The following RFC2 variants were observed in gnomAD, a reference collection of about 807,000 sequenced individuals.
RFC2 encodes A1 40 kDa subunit.
In RFC2, 34 loss-of-function variants were observed where a neutral mutation model predicts 44.8. That is an observed-to-expected ratio of 0.76 (90% CI 0.58 to 1.01). RFC2 has a LOEUF of 1.01. RFC2 is among the 50% of genes least tolerant of loss of function. The probability of loss-of-function intolerance (pLI) is 0.00; values close to 1 mark genes in which losing one functional copy is unlikely to be tolerated. For synonymous variants in RFC2, 177 were observed against 168.9 expected (o/e 1.05, Z -0.37); for missense variants, 400 against 453.6 (o/e 0.88, Z 1.07).
At chr7:74,237,553 TG>T (rs1358240748) in intron 8 of RFC2, 111 bp from the exon 9 acceptor site, 3 of 551,270 alleles carry the variant, frequency 5.4e-6, no homozygotes, top group South Asian at 3.9e-5. Flanking sequence ...CTCAACCTGT[TG>T]TTTTCATCAA....
intron 10 of RFC2, among the ~76,000 whole-genome samples, chr7:74,233,593 T>TA (rs1563984226): frequency 1.3e-5 from 2 of 148,614 alleles, no homozygotes; most frequent in Non-Finnish European, 3.0e-5. Context: ...TTGTTGTTAT[T>TA]GGTTTTTTTT....
In RFC2 at chr7:74,235,126, TC is replaced by T. The variant is rs1338821206; in HGVS notation, c.954+405del. ...ATCTTGGCTCACTGCAACCTCCACC[TC>T]CCAGGTTCAAGCGATCCTCCTCCCT... On this transcript the variant is annotated intron_variant, in intron 10 of 10. Coordinates refer to ENST00000055077, the MANE Select transcript of RFC2 (RefSeq NM_181471.3). Among the ~76,000 whole-genome samples, 31 of 151,894 alleles carry T rather than the reference TC, an allele frequency of 2.0e-4. 1 individual carries two copies.
At chr7:74,234,106 G>A (rs1356197632) in intron 10 of RFC2, among the ~76,000 whole-genome samples, 4 of 152,148 alleles carry the variant, frequency 2.6e-5, no homozygotes, top group African/African-American at 9.7e-5. Flanking sequence ...GCACAGGATG[G>A]ATTACTTCTC....
rs1379369189 is a variant in RFC2 at position 74,231,841 on chromosome 7, A to C, written c.*265T>G. 1.1e-5 allele frequency: 3 copies of C among 274,928 alleles called. No homozygotes were observed. The highest frequency in any genetic ancestry group is 2.2e-5 in the African/African-American group (1 of 45,230). 17.0% of individuals were successfully genotyped at this position (274,928 alleles called of 1,614,324 possible). ...ATTACAGGTGCCCGCCACCACACCC[A>C]GCTAATTTTTATATTTTTAGTAAAG... On this transcript the variant is annotated 3_prime_UTR_variant, in exon 11 of 11. Coordinates refer to ENST00000055077, the MANE Select transcript of RFC2 (RefSeq NM_181471.3).
In RFC2 at chr7:74,231,721, CCAGGCTGGAGTGCAA is replaced by C. The variant is rs1408561649; in HGVS notation, c.*370_*384del. ...TTTCCCCAGATGGAGACTCTGTCGC[CCAGGCTGGAGTGCAA>C]TGGTGTGATCTTGGCTCACTGCAAC... On this transcript the variant is annotated 3_prime_UTR_variant, in exon 11 of 11. Transcript: ENST00000055077. 1 of 156,548 alleles carries C rather than the reference CCAGGCTGGAGTGCAA, an allele frequency of 6.4e-6. No individual in the cohort carries two copies. The highest frequency in any genetic ancestry group is 1.4e-5 in the Non-Finnish European group (1 of 70,914). 9.7% of individuals were successfully genotyped at this position (156,548 alleles called of 1,614,324 possible).
chr7:74,238,350 C>T lies in RFC2; in HGVS notation c.759+573G>A, dbSNP rs1010489387. On this transcript the variant is annotated intron_variant, in intron 8 of 10. Transcript: ENST00000055077. This position sits in a 1 kb window ranked among gnomAD's most constrained non-coding sequence, Gnocchi z 4.0. ...ATTTAGACGCGGAGTTATCAGGATG[C>T]GGAAGCAGTTTTCAAAAGAATTCCC... Among the ~76,000 whole-genome samples the T allele has an allele frequency of 1.3e-5, 2 of 152,090 alleles. No individual in the cohort carries two copies. The highest frequency in any genetic ancestry group is 4.8e-5 in the African/African-American group (2 of 41,418).
At chr7:74,235,439 C>G (rs1232313755) in intron 10 of RFC2, 93 bp downstream of exon 10, 7 of 840,250 alleles carry the variant, frequency 8.3e-6, no homozygotes, top group Non-Finnish European at 1.5e-5. Context: ...ACCTCGGCCT[C>G]CCAAAGTGCT....
chr7:74,246,610 G>T, intron 5 of RFC2, 52 bp downstream of exon 5: 1 of 1,267,362 alleles, frequency 7.9e-7, no homozygotes, highest in South Asian at 1.3e-5. Context: ...GAATAAAACC[G>T]AAAAAGAGAT....
At position 74,254,300 on chromosome 7, in the gene RFC2, G is replaced by T. The variant is rs782707479; in HGVS notation, c.84C>A (p.Pro28=). Reference sequence around the variant, plus strand: ...GCAGTTCGTAGTGGCCGGCGCTGCCGGGGGCCTTGCTGAAGGCAGGGGCAG... The same window carrying T: ...GCAGTTCGTAGTGGCCGGCGCTGCCTGGGGCCTTGCTGAAGGCAGGGGCAG... ...SDPAPAFSKA[P]GSAGHYELPW... Residue 28 remains proline (P), a synonymous_variant, in exon 1 of 11, where the codon CCC becomes CCA. Coordinates refer to ENST00000055077, the MANE Select transcript of RFC2 (RefSeq NM_181471.3). 6.2e-7 allele frequency: 1 copy of T among 1,611,878 alleles called. No individual in the cohort carries two copies. Among genetic ancestry groups the T allele is most frequent in the South Asian group, 1.1e-5 (1 of 91,008 alleles).
In RFC2 at chr7:74,232,021, A is replaced by G; in HGVS notation, c.*85T>C. 1 of 812,316 alleles carries G rather than the reference A, an allele frequency of 1.2e-6. No homozygotes were observed. The highest frequency in any genetic ancestry group is 2.4e-5 in the East Asian group (1 of 40,872). The allele number at this position is 812,316 out of a possible 1,614,324, so 50.3% of individuals were successfully genotyped here. ...AGGACAGTCATGTTGGCTCCAGCCTAAGGCGGCATTTTCCCCCATCAGAAA... is the reference window on the plus strand; with the variant it reads ...AGGACAGTCATGTTGGCTCCAGCCTGAGGCGGCATTTTCCCCCATCAGAAA... On this transcript the variant is annotated 3_prime_UTR_variant, in exon 11 of 11. Transcript: ENST00000055077.
chr7:74,245,475 G>A (rs1318339282), intron 5 of RFC2, among the ~76,000 whole-genome samples: 2 of 151,498 alleles, frequency 1.3e-5, no homozygotes, highest in Non-Finnish European at 2.9e-5. Flanking sequence ...CACTTTGGGA[G>A]GCCGAGGCGG....
chr7:74,246,800 G>C (rs1490265847), intron 4 of RFC2, 37 bp from the exon 5 acceptor site: 3 of 1,379,128 alleles, frequency 2.2e-6, no homozygotes, highest in Non-Finnish European at 3.1e-6. Context: ...CACCTTCTGA[G>C]ACCAATTCAG....
At position 74,238,765 on chromosome 7, in the gene RFC2, C is replaced by G. The variant is rs1477617642; in HGVS notation, c.759+158G>C. Among the ~76,000 whole-genome samples the G allele has an allele frequency of 6.6e-6, 1 of 152,176 alleles. No homozygotes were observed. Among genetic ancestry groups the G allele is most frequent in the East Asian group, 1.9e-4 (1 of 5,190 alleles). On this transcript the variant is annotated intron_variant, in intron 8 of 10. Coordinates refer to ENST00000055077, the MANE Select transcript of RFC2 (RefSeq NM_181471.3). This position sits in a 1 kb window ranked among gnomAD's most constrained non-coding sequence, Gnocchi z 4.0. ...CTCTCCAGCTTGTGCAGCAAAGCAGCAATAGGGAGAGGACAGACGGGAGCA... is the reference window on the plus strand; with the variant it reads ...CTCTCCAGCTTGTGCAGCAAAGCAGGAATAGGGAGAGGACAGACGGGAGCA...
chr7:74,234,231 C>G (rs1802884768), intron 10 of RFC2, among the ~76,000 whole-genome samples: 1 of 152,148 alleles, frequency 6.6e-6, no homozygotes, highest in Non-Finnish European at 1.5e-5. Flanking sequence ...TCTACATGAT[C>G]CCATTTATAT....
chr7:74,241,333 C>T (rs1401536639), intron 6 of RFC2, among the ~76,000 whole-genome samples: 4 of 152,220 alleles, frequency 2.6e-5, no homozygotes, highest in African/African-American at 9.6e-5. Context: ...TAGCATGGTG[C>T]CTGGCGGCTA....
chr7:74,240,474 C>T (rs140600109), intron 6 of RFC2, among the ~76,000 whole-genome samples: 2,003 of 148,916 alleles, frequency 0.013, 16 homozygotes, highest in Middle Eastern at 0.035. Context: ...TGCACTCCAG[C>T]CTGGACAACA....
At chr7:74,251,682 C>T (rs1584267751) in intron 2 of RFC2, among the ~76,000 whole-genome samples, 1 of 150,376 alleles carries the variant, frequency 6.6e-6, no homozygotes, top group South Asian at 2.1e-4. Flanking sequence ...CCTGTAGTCC[C>T]AGCTACTGGG....
At chr7:74,247,080 C>T (rs1460211480) in intron 4 of RFC2, among the ~76,000 whole-genome samples, 1 of 145,472 alleles carries the variant, frequency 6.9e-6, no homozygotes, top group Non-Finnish European at 1.5e-5. Flanking sequence ...TTCAGTGAGC[C>T]GGGATCACGC....
Position 74,232,132 on chromosome 7 carries a change from T to C in RFC2, c.1039A>G (p.Lys347Glu). 1.2e-6 allele frequency: 2 copies of C among 1,612,332 alleles called. No homozygotes were observed. Among genetic ancestry groups the C allele is most frequent in the Non-Finnish European group, 1.7e-6 (2 of 1,178,334 alleles). Residue 347 changes from lysine to glutamate, a missense_variant, in exon 11 of 11, where the codon AAG becomes GAG. By Grantham distance (56) the Lys-to-Glu change is moderately conservative. Coordinates refer to ENST00000055077, the MANE Select transcript of RFC2 (RefSeq NM_181471.3). ...MAGLLARLCQ[K>E]TMAPVAS is the part of the protein sequence containing the mutation. ...TAACTGGCCACCGGGGCCATTGTCT[T>C]CTGACACAGCCTTGCCAGGAGGCCT...
Sources: gnomAD v4.1 joint callset for allele counts (sites outside exome capture counted in the v4.1 genomes callset) on GRCh38, gnomAD v4.1.1 for gene constraint, Gnocchi (gnomAD v3.1) non-coding constraint, MANE v1.5 for transcripts, NCBI Gene and HGNC (gene_info 2026-07-23, HGNC 2026-07-21) for gene names.